Variants in EEPD1 observed in about 807,000 individuals in gnomAD.
EEPD1 encodes the protein endonuclease/exonuclease/phosphatase family domain-containing protein 1.
EEPD1 carries 17 observed loss-of-function variants against 46.3 expected under a neutral mutation model. The observed-to-expected ratio is 0.37, with a 90% CI of 0.25 to 0.55. The LOEUF is 0.55. Ranked by LOEUF, EEPD1 falls within the 20% of genes least tolerant of loss-of-function variation. The pLI, the probability that EEPD1 is intolerant of heterozygous loss-of-function variation, is 0.83. For missense variants in EEPD1, 673 were observed against 745.6 expected, an observed-to-expected ratio of 0.90 and a Z score of 1.13; for synonymous variants, 313 against 315.6, an observed-to-expected ratio of 0.99 and a Z score of 0.09.
intron 2 of EEPD1, among the ~76,000 whole-genome samples, chr7:36,198,052 T>A (rs577044205): frequency 1.1e-4 from 17 of 152,142 alleles, no homozygotes; most frequent in African/African-American, 4.1e-4. Flanking sequence ...ATACTATAGG[T>A]CAAGTGAAAA....
At chr7:36,196,338 G>A (rs1248246010) in intron 2 of EEPD1, among the ~76,000 whole-genome samples, 1 of 151,924 alleles carries the variant, frequency 6.6e-6, no homozygotes, top group East Asian at 1.9e-4. Context: ...TTAGGATGAC[G>A]ACAACATCAC....
chr7:36,282,453 G>A (rs948240851), intron 4 of EEPD1, among the ~76,000 whole-genome samples: 4 of 152,154 alleles, frequency 2.6e-5, no homozygotes, highest in Non-Finnish European at 5.9e-5. Context: ...GCCTGACCTG[G>A]CCCCTCCCGC....
chr7:36,213,821 C>T (rs753464667), intron 2 of EEPD1, among the ~76,000 whole-genome samples: 5 of 152,164 alleles, frequency 3.3e-5, no homozygotes, highest in Non-Finnish European at 5.9e-5. Flanking sequence ...CCCGGATTGT[C>T]GGCTCCACAA....
chr7:36,173,532 C>T (rs1472512288), intron 2 of EEPD1, among the ~76,000 whole-genome samples: 2 of 151,960 alleles, frequency 1.3e-5, no homozygotes, highest in African/African-American at 2.4e-5. Flanking sequence ...GTTCCCCACC[C>T]CCAGCTTCTC....
At chr7:36,176,013 T>G (rs1430959259) in intron 2 of EEPD1, among the ~76,000 whole-genome samples, 3 of 152,132 alleles carry the variant, frequency 2.0e-5, no homozygotes, top group South Asian at 2.1e-4. Context: ...CTTTCAGCCC[T>G]GAGTGAGCCG....
chr7:36,169,188 A>G (rs954900528), intron 2 of EEPD1, among the ~76,000 whole-genome samples: 1 of 152,234 alleles, frequency 6.6e-6, no homozygotes, highest in Admixed American at 6.5e-5. Context: ...ACATTCATGT[A>G]CAAGTTTTTA....
chr7:36,235,839 C>CTT (rs1297927160), intron 2 of EEPD1, among the ~76,000 whole-genome samples: 2 of 151,820 alleles, frequency 1.3e-5, no homozygotes, highest in South Asian at 4.1e-4. Flanking sequence ...CATTTTAACT[C>CTT]TTTTTAAGTG....
At chr7:36,159,268 A>C (rs1385137304) in intron 2 of EEPD1, among the ~76,000 whole-genome samples, 1 of 152,222 alleles carries the variant, frequency 6.6e-6, no homozygotes, top group Non-Finnish European at 1.5e-5. Context: ...GCCCAGCCTC[A>C]AAACAGTCTA....
intron 3 of EEPD1, among the ~76,000 whole-genome samples, chr7:36,246,937 C>T (rs1002736150): frequency 1.3e-5 from 2 of 152,012 alleles, no homozygotes; most frequent in African/African-American, 4.8e-5. Flanking sequence ...ACCAGCCTGG[C>T]CGATATGGTG....
At chr7:36,174,831 G>T (rs1316727339) in intron 2 of EEPD1, among the ~76,000 whole-genome samples, 1 of 152,144 alleles carries the variant, frequency 6.6e-6, no homozygotes, top group Non-Finnish European at 1.5e-5. Context: ...AATCAGTAAG[G>T]GCTGATATTT....
chr7:36,153,707 G>A (rs1583773426), intron 1 of EEPD1, 33 bp downstream of exon 1: 1 of 152,580 alleles, frequency 6.6e-6, no homozygotes, highest in African/African-American at 2.4e-5. Flanking sequence ...AGGTCGGGTG[G>A]GGGGTCGATA....
intron 5 of EEPD1, among the ~76,000 whole-genome samples, chr7:36,287,346 A>T (rs58191891): frequency 0.12 from 18,412 of 151,832 alleles, 1,611 homozygotes; most frequent in East Asian, 0.36. Context: ...AAAGAAAAAA[A>T]CTCAAACATT....
chr7:36,249,711 T>C (rs1336537078), intron 3 of EEPD1, among the ~76,000 whole-genome samples: 1 of 152,188 alleles, frequency 6.6e-6, no homozygotes, highest in Non-Finnish European at 1.5e-5. Context: ...GTGTATTGAG[T>C]ACCTCCTTTT....
At chr7:36,246,153 G>T (rs1272824907) in intron 3 of EEPD1, among the ~76,000 whole-genome samples, 1 of 152,242 alleles carries the variant, frequency 6.6e-6, no homozygotes, top group Admixed American at 6.5e-5. Flanking sequence ...ACCAGTGCCT[G>T]CCTGAGAAGC....
intron 2 of EEPD1, among the ~76,000 whole-genome samples, chr7:36,201,964 C>T (rs1440205564): frequency 1.3e-5 from 2 of 152,178 alleles, no homozygotes; most frequent in Non-Finnish European, 2.9e-5. Flanking sequence ...AGTGTGGTCC[C>T]TGGACCAGCA....
In EEPD1 at chr7:36,154,821, G is replaced by T. The variant is rs372878720; in HGVS notation, c.497G>T (p.Arg166Leu). 22 of 1,614,090 alleles carry T rather than the reference G, an allele frequency of 1.4e-5. No individual in the cohort carries two copies. Among genetic ancestry groups the T allele is most frequent in the Non-Finnish European group, 1.8e-5 (21 of 1,180,042 alleles). Reference sequence around the variant, plus strand: ...GCCCTCAGCATCGTGGACTTCCGCCGTGAGCATGGGCCCTTTCGCAGCGTT... The same window carrying T: ...GCCCTCAGCATCGTGGACTTCCGCCTTGAGCATGGGCCCTTTCGCAGCGTT... ...KMALSIVDFRREHGPFRSVED... is the reference protein window; with the variant it reads ...KMALSIVDFRLEHGPFRSVED... The change falls in exon 2 of 8, where the codon CGT becomes CTT. Residue 166 changes from arginine (R) to leucine (L), a missense_variant. Physicochemically the swap from Arg to Leu is moderately radical, Grantham distance 102. Coordinates refer to ENST00000242108, the MANE Select transcript of EEPD1 (RefSeq NM_030636.3). This position sits in a 1 kb window ranked among gnomAD's most constrained non-coding sequence, Gnocchi z 4.2.
At chr7:36,217,710 C>T (rs1786053455) in intron 2 of EEPD1, among the ~76,000 whole-genome samples, 2 of 152,176 alleles carry the variant, frequency 1.3e-5, no homozygotes, top group South Asian at 4.1e-4. Flanking sequence ...AAACAACTCC[C>T]TGCCCAGAGA....
At chr7:36,268,506 C>A (rs1583472424) in intron 3 of EEPD1, among the ~76,000 whole-genome samples, 1 of 152,272 alleles carries the variant, frequency 6.6e-6, no homozygotes, top group East Asian at 1.9e-4. Flanking sequence ...TTCTCCTCAC[C>A]AGAGAATGTT....
intron 2 of EEPD1, among the ~76,000 whole-genome samples, chr7:36,214,739 A>C (rs1175369729): frequency 6.6e-6 from 1 of 152,196 alleles, no homozygotes; most frequent in East Asian, 1.9e-4. Flanking sequence ...AGTTGTTGCA[A>C]CCTAACTAGC....
Sources: gnomAD v4.1 joint callset for allele counts (sites outside exome capture counted in the v4.1 genomes callset) on GRCh38, gnomAD v4.1.1 for gene constraint, Gnocchi (gnomAD v3.1) non-coding constraint, MANE v1.5 for transcripts, NCBI Gene and HGNC (gene_info 2026-07-23, HGNC 2026-07-21) for gene names.